Variants in LRRC4B observed in about 807,000 individuals in gnomAD.
LRRC4B encodes leucine-rich repeat-containing protein 4B.
In LRRC4B, 1 loss-of-function variant was observed where a neutral mutation model predicts 7.3. That is an observed-to-expected ratio of 0.14 (90% CI 0.05 to 0.65). The LOEUF (loss-of-function observed/expected upper bound fraction) is 0.65, where lower values mean the gene tolerates loss of function less well. Ranked by LOEUF, LRRC4B falls within the 30% of genes least tolerant of loss-of-function variation. The pLI is 0.84. For missense variants in LRRC4B, 730 were observed against 1,041.6 expected, an observed-to-expected ratio of 0.70 and a Z score of 4.12; for synonymous variants, 500 against 499.2, an observed-to-expected ratio of 1.00 and a Z score of -0.02.
rs1260564116 is a variant in LRRC4B at position 50,519,490 on chromosome 19, G to C, written c.298-75C>G. On this transcript the variant is annotated intron_variant, in intron 2 of 2. Coordinates refer to ENST00000652263, the MANE Select transcript of LRRC4B (RefSeq NM_001080457.2). This position sits in a 1 kb window ranked among gnomAD's most constrained non-coding sequence, Gnocchi z 8.1. The stretch of plus-strand genomic sequence containing the variant: ...TGGGGGGATCACCAAGGTCCCGGGC[G>C]CAGGTGGGGCCGTGTGGCTGGATCT... 1 of 1,459,200 alleles carries C rather than the reference G, an allele frequency of 6.9e-7. No homozygotes were observed. The highest frequency in any genetic ancestry group is 9.0e-7 in the Non-Finnish European group (1 of 1,108,778). The allele number at this position is 1,459,200 out of a possible 1,614,324, so 90.4% of individuals were successfully genotyped here. A position where few individuals can be genotyped will look rare whatever the true frequency, so the allele number is the denominator to read the frequency against.
intron 2 of LRRC4B, among the ~76,000 whole-genome samples, chr19:50,525,406 CTT>C (rs34552136): frequency 7.8e-4 from 106 of 135,950 alleles, no homozygotes; most frequent in African/African-American, 2.5e-3. Flanking sequence ...AAGAACCGTA[CTT>C]TTTTTTTTTT....
rs749998117 is a variant in LRRC4B, at chr19:50,518,396, C to T, written c.1317G>A (p.Thr439=). 4.0e-5 allele frequency: 63 copies of T among 1,581,846 alleles called. No homozygotes were observed. The highest frequency in any genetic ancestry group is 5.0e-5 in the Non-Finnish European group (58 of 1,166,672). The change falls in exon 3 of 3, where the codon ACG becomes ACA. Residue 439 remains threonine, a synonymous_variant. Transcript: ENST00000652263. ...QDTGQYTCMV[T]NSAGNTTASA... is the part of the protein sequence containing the mutation. Reference sequence around the variant, plus strand: ...AGGCGGTGGTGTTGCCGGCTGAGTTCGTCACCATGCACGTGTACTGGCCCG... The same window carrying T: ...AGGCGGTGGTGTTGCCGGCTGAGTTTGTCACCATGCACGTGTACTGGCCCG...
rs2122892630 is a variant in LRRC4B at position 50,548,631 on chromosome 19, C to T, written c.208G>A (p.Val70Met). The change falls in exon 2 of 3, where the codon GTG becomes ATG. Residue 70 changes from valine to methionine, a missense_variant. Physicochemically the swap from Val to Met is conservative, Grantham distance 21 (BLOSUM62 1). Coordinates refer to ENST00000652263, the MANE Select transcript of LRRC4B (RefSeq NM_001080457.2). This position sits in a 1 kb window ranked among gnomAD's most constrained non-coding sequence, Gnocchi z 6.8. ...GCCAGGTCTCTCCGTGTGCAGATCA[C>T]CCGGCTGGCCTGGTTGCTGCAGGAG... ...ACSCSNQASR[V>M]ICTRRDLAEV... is the part of the protein sequence containing the mutation. The T allele has an allele frequency of 6.3e-7, 1 of 1,588,420 alleles. No homozygotes were observed. The highest frequency in any genetic ancestry group is 8.5e-7 in the Non-Finnish European group (1 of 1,169,998).
intron 1 of LRRC4B, among the ~76,000 whole-genome samples, chr19:50,549,769 T>C (rs969855407): frequency 7.2e-5 from 11 of 152,076 alleles, no homozygotes; most frequent in Non-Finnish European, 1.6e-4. Context: ...CTGCACCCCC[T>C]CCTTTGCCCC....
rs531553787 is a variant in LRRC4B at position 50,535,076 on chromosome 19, G to T, written c.297+13466C>A. On this transcript the variant is annotated intron_variant, in intron 2 of 2. Coordinates refer to ENST00000652263, the MANE Select transcript of LRRC4B (RefSeq NM_001080457.2). ...GTAGAGACAGGGTTTCACTGTGTTA[G>T]CCAGGATGGTCTCGATCTCCTGACC... 2.5e-3 allele frequency among the ~76,000 whole-genome samples: 385 copies of T among 152,142 alleles called. 1 individual carries two copies. The highest frequency in any genetic ancestry group is 3.8e-3 in the Non-Finnish European group (255 of 67,988).
Position 50,546,523 on chromosome 19 carries a change from G to A in LRRC4B, c.297+2019C>T, listed in dbSNP as rs150085129. 5.9e-5 allele frequency among the ~76,000 whole-genome samples: 9 copies of A among 152,154 alleles called. 1 individual carries two copies. In the East Asian group the frequency reaches 1.6e-3, roughly 26 times the overall value. On this transcript the variant is annotated intron_variant, in intron 2 of 2. Transcript: ENST00000652263. Reference sequence around the variant, plus strand: ...CATGTCTCTGGGTGGGGCAGGGGGCGGTGCAAGAACCCCTGGGTGGGGAGG... The same window carrying A: ...CATGTCTCTGGGTGGGGCAGGGGGCAGTGCAAGAACCCCTGGGTGGGGAGG...
intron 2 of LRRC4B, among the ~76,000 whole-genome samples, chr19:50,524,646 T>C (rs1980721689): frequency 6.6e-6 from 1 of 152,212 alleles, no homozygotes. Flanking sequence ...AATATATTTA[T>C]TTAGCTCAAC....
At chr19:50,529,069 C>G (rs1007162733) in intron 2 of LRRC4B, among the ~76,000 whole-genome samples, 2 of 152,150 alleles carry the variant, frequency 1.3e-5, no homozygotes, top group Non-Finnish European at 2.9e-5. Flanking sequence ...CAGGGGACCC[C>G]CCCAGAGCTT....
rs1167714045 is a variant in LRRC4B at position 50,519,544 on chromosome 19, A to G, written c.298-129T>C. On this transcript the variant is annotated intron_variant, in intron 2 of 2. Coordinates refer to ENST00000652263, the MANE Select transcript of LRRC4B (RefSeq NM_001080457.2). This position sits in a 1 kb window ranked among gnomAD's most constrained non-coding sequence, Gnocchi z 8.1. ...GTGCTGTGCTGTGACGGTACGACCT[A>G]TATTGCAACATGGTTTGATGAGTTT... The G allele has an allele frequency of 3.5e-6, 5 of 1,425,622 alleles. No homozygotes were observed. The highest frequency in any genetic ancestry group is 4.6e-6 in the Non-Finnish European group (5 of 1,091,180). The allele number at this position is 1,425,622 out of a possible 1,614,324, so 88.3% of individuals were successfully genotyped here.
intron 2 of LRRC4B, among the ~76,000 whole-genome samples, chr19:50,525,654 AG>A (rs1349790845): frequency 3.3e-5 from 5 of 150,340 alleles, no homozygotes; most frequent in Non-Finnish European, 7.4e-5. Context: ...TCCTGACCTC[AG>A]GTGATCTGCC....
chr19:50,534,513 C>A (rs1024640487), intron 2 of LRRC4B, among the ~76,000 whole-genome samples: 7 of 152,248 alleles, frequency 4.6e-5, no homozygotes, highest in African/African-American at 1.7e-4. Flanking sequence ...TAGCTGCCCA[C>A]ACTTCCAAGT....
At chr19:50,558,626 C>T (rs1334583853) in intron 1 of LRRC4B, among the ~76,000 whole-genome samples, 1 of 152,222 alleles carries the variant, frequency 6.6e-6, no homozygotes, top group Admixed American at 6.5e-5. Flanking sequence ...ACCAGCCACA[C>T]GAGGCTACGG....
chr19:50,567,498 C>T (rs902901455), intron 1 of LRRC4B, among the ~76,000 whole-genome samples: 3 of 151,794 alleles, frequency 2.0e-5, no homozygotes, highest in Non-Finnish European at 2.9e-5. Flanking sequence ...CCCTCCCCAT[C>T]ACTGGCGTGC....
intron 2 of LRRC4B, among the ~76,000 whole-genome samples, chr19:50,540,555 C>T (rs1449283813): frequency 6.6e-6 from 1 of 151,914 alleles, no homozygotes. Context: ...CAGGTTTTGC[C>T]GTGTTGGCCA....
At chr19:50,542,694 C>T (rs1407032649) in intron 2 of LRRC4B, among the ~76,000 whole-genome samples, 1 of 151,980 alleles carries the variant, frequency 6.6e-6, no homozygotes, top group Non-Finnish European at 1.5e-5. Flanking sequence ...CCAGGCTGGT[C>T]TCGAACTCCT....
intron 1 of LRRC4B, among the ~76,000 whole-genome samples, chr19:50,566,246 G>C (rs766550394): frequency 1.7e-4 from 26 of 152,158 alleles, no homozygotes; most frequent in Non-Finnish European, 2.8e-4. Context: ...AGCCGGCTCC[G>C]GCTACTCCCA....
chr19:50,535,017 TGCC>T (rs1568723899), intron 2 of LRRC4B, among the ~76,000 whole-genome samples: 18 of 121,360 alleles, frequency 1.5e-4, no homozygotes, highest in African/African-American at 4.7e-4. Flanking sequence ...TACAGGCGCC[TGCC>T]ACCACACCCA....
rs186398930 is a variant in LRRC4B at position 50,561,956 on chromosome 19, A to C, written c.-36+5988T>G. Among the ~76,000 whole-genome samples, 722 of 138,404 alleles carry C rather than the reference A, an allele frequency of 5.2e-3. 1 individual carries two copies. The highest frequency in any genetic ancestry group is 7.2e-3 in the Non-Finnish European group (436 of 60,772). The allele number at this position is 138,404 out of a possible 152,430, so 90.8% of individuals were successfully genotyped here. A position where few individuals can be genotyped will look rare whatever the true frequency, so the allele number is the denominator to read the frequency against. ...ACCATAAAATACAAATAAATAAATAAATAAATAAATAAGCCAGGTGTAGTA... is the reference window on the plus strand; with the variant it reads ...ACCATAAAATACAAATAAATAAATACATAAATAAATAAGCCAGGTGTAGTA... On this transcript the variant is annotated intron_variant, in intron 1 of 2. Coordinates refer to ENST00000652263, the MANE Select transcript of LRRC4B (RefSeq NM_001080457.2).
chr19:50,543,383 A>G (rs953617575), intron 2 of LRRC4B, among the ~76,000 whole-genome samples: 1 of 130,160 alleles, frequency 7.7e-6, no homozygotes, highest in Non-Finnish European at 1.6e-5. Context: ...TGTGTAAGGG[A>G]GAAGTACACT....
Sources: allele counts gnomAD v4.1 joint callset (sites outside exome capture counted in the v4.1 genomes callset), GRCh38; gene constraint gnomAD v4.1.1; non-coding constraint Gnocchi (gnomAD v3.1); transcripts MANE v1.5; gene names NCBI Gene and HGNC (gene_info 2026-07-23, HGNC 2026-07-21).